The following BPNT2 variants were observed in gnomAD, a reference collection of about 807,000 sequenced individuals.
BPNT2 encodes the protein 3'(2'), 5'-bisphosphate nucleotidase 2, also known as Golgi-resident adenosine 3',5'-bisphosphate 3'-phosphatase.
BPNT2 carries 11 observed loss-of-function variants against 29.3 expected under a neutral mutation model. The ratio of observed to expected loss-of-function variants is 0.38; its 90% confidence interval spans 0.24 to 0.62. The LOEUF is 0.62. BPNT2 is among the 20% of genes least tolerant of loss of function. The pLI is 0.62. For synonymous variants in BPNT2, 195 were observed against 187.7 expected, an observed-to-expected ratio of 1.04 and a Z score of -0.32; for missense variants, 459 against 473.4, an observed-to-expected ratio of 0.97 and a Z score of 0.28.
At chr8:56,980,255 A>T in intron 1 of BPNT2, 58 bp from the exon 2 acceptor site, 3 of 1,380,318 alleles carry the variant, frequency 2.2e-6, no homozygotes, top group Non-Finnish European at 3.1e-6. Flanking sequence ...CTATTTGATA[A>T]ACTACAAAAG....
intron 3 of BPNT2, among the ~76,000 whole-genome samples, chr8:56,967,461 G>C (rs760763478): frequency 6.6e-6 from 1 of 152,118 alleles, no homozygotes; most frequent in Non-Finnish European, 1.5e-5. Flanking sequence ...ATAAGCGCTG[G>C]AGCTGACCCT....
At position 56,963,807 on chromosome 8, in the gene BPNT2, T is replaced by C. The variant is rs201175538; in HGVS notation, c.1066A>G (p.Thr356Ala). 5.0e-5 allele frequency: 80 copies of C among 1,614,086 alleles called. No individual in the cohort carries two copies. The highest frequency in any genetic ancestry group is 6.4e-5 in the Non-Finnish European group (75 of 1,180,058). Residue 356 changes from threonine (T) to alanine (A), a missense_variant, in exon 5 of 5, where the codon ACA becomes GCA. Thr to Ala is a moderately conservative substitution (Grantham distance 58, BLOSUM62 0). Transcript: ENST00000262644. The part of the protein sequence containing the change: ...LVRKLPDLEK[T>A]GHK ...ATCAGTTATGCTCATTTATGTCCTG[T>C]CTTTTCTAGATCTGGGAGTTTTCTG...
chr8:56,964,000 G>C lies in BPNT2; in HGVS notation c.873C>G (p.Ile291Met). The change falls in exon 5 of 5, where the codon ATC (isoleucine) becomes ATG (methionine). Residue 291 changes from isoleucine to methionine, a missense_variant. Coordinates refer to ENST00000262644, the MANE Select transcript of BPNT2 (RefSeq NM_017813.5). The part of the protein sequence containing the change: ...DKSQEKADLY[I>M]HVTYIKKWDI... ...CCCACTTTTTGATGTATGTCACATG[G>C]ATGTATAAATCAGCTTTTTCTTGAC... 1 of 1,611,444 alleles carries C rather than the reference G, an allele frequency of 6.2e-7. No individual in the cohort carries two copies. The highest frequency in any genetic ancestry group is 8.5e-7 in the Non-Finnish European group (1 of 1,178,334).
intron 3 of BPNT2, among the ~76,000 whole-genome samples, chr8:56,971,715 T>A (rs566575069): frequency 1.3e-5 from 2 of 148,648 alleles, no homozygotes; most frequent in East Asian, 4.0e-4. Context: ...TTAAGAGAAA[T>A]GTAAACAAAT....
At chr8:56,984,437 C>G (rs541840710) in intron 1 of BPNT2, among the ~76,000 whole-genome samples, 1 of 152,184 alleles carries the variant, frequency 6.6e-6, no homozygotes, top group Non-Finnish European at 1.5e-5. Flanking sequence ...TCCTTTCTCG[C>G]GTGCCACATC....
intron 3 of BPNT2, among the ~76,000 whole-genome samples, chr8:56,968,731 T>A (rs1039832849): frequency 2.6e-5 from 4 of 152,118 alleles, no homozygotes; most frequent in African/African-American, 9.7e-5. Context: ...ACATACTGAG[T>A]ACATGGGAAA....
intron 1 of BPNT2, among the ~76,000 whole-genome samples, chr8:56,988,436 T>C (rs1042384147): frequency 1.3e-5 from 2 of 152,250 alleles, no homozygotes; most frequent in African/African-American, 4.8e-5. Flanking sequence ...GACAATGATC[T>C]AGCTCCCTGT....
intron 1 of BPNT2, among the ~76,000 whole-genome samples, chr8:56,988,806 A>G (rs1420999442): frequency 2.0e-5 from 3 of 152,196 alleles, no homozygotes; most frequent in African/African-American, 7.2e-5. Flanking sequence ...GGCATTCATA[A>G]TCTGTCCTCC....
intron 3 of BPNT2, among the ~76,000 whole-genome samples, chr8:56,972,127 ATC>A (rs1229887130): frequency 1.3e-5 from 2 of 151,984 alleles, no homozygotes; most frequent in East Asian, 3.9e-4. Flanking sequence ...TGATGTAATC[ATC>A]TCTGTGTGAG....
At chr8:56,988,393 TTC>T (rs1204748523) in intron 1 of BPNT2, among the ~76,000 whole-genome samples, 1 of 152,230 alleles carries the variant, frequency 6.6e-6, no homozygotes, top group East Asian at 1.9e-4. Flanking sequence ...CACCTAAACT[TTC>T]TGAGCTACAA....
At chr8:56,975,740 C>A (rs1806120564) in intron 3 of BPNT2, among the ~76,000 whole-genome samples, 1 of 152,022 alleles carries the variant, frequency 6.6e-6, no homozygotes, top group Non-Finnish European at 1.5e-5. Flanking sequence ...AAGTATACTG[C>A]AAATTGTTAA....
At chr8:56,987,842 C>T (rs562309029) in intron 1 of BPNT2, among the ~76,000 whole-genome samples, 1 of 151,694 alleles carries the variant, frequency 6.6e-6, no homozygotes, top group East Asian at 2.0e-4. Flanking sequence ...CATTCTCCTG[C>T]CTCAACCTCC....
intron 3 of BPNT2, among the ~76,000 whole-genome samples, chr8:56,974,848 G>T (rs1326463286): frequency 1.3e-5 from 2 of 152,042 alleles, no homozygotes; most frequent in Non-Finnish European, 2.9e-5. Context: ...ATTAAATAAA[G>T]GTTTCTAAAA....
Position 56,962,991 on chromosome 8 carries a change from G to A in BPNT2, c.*802C>T, listed in dbSNP as rs1276278937. ...AGTGCTAACCCTGAAACCTTAAACC[G>A]AACCTTACAAAGTTAAAGACTAAGT... is the stretch of plus-strand genomic sequence containing the variant. On this transcript the variant is annotated 3_prime_UTR_variant, in exon 5 of 5. Coordinates refer to ENST00000262644, the MANE Select transcript of BPNT2 (RefSeq NM_017813.5). 2.0e-5 allele frequency: 3 copies of A among 152,088 alleles called. No individual in the cohort carries two copies. The highest frequency in any genetic ancestry group is 4.4e-5 in the Non-Finnish European group (3 of 68,006). 9.4% of individuals were successfully genotyped at this position (152,088 alleles called of 1,614,324 possible).
intron 3 of BPNT2, among the ~76,000 whole-genome samples, chr8:56,968,651 C>T (rs1175242098): frequency 1.3e-5 from 2 of 152,224 alleles, no homozygotes; most frequent in East Asian, 1.9e-4. Flanking sequence ...TCAGCCTGGG[C>T]AACAGAGTGA....
rs1003042322 is a variant in BPNT2, at chr8:56,959,941, C to A, written c.*3852G>T. On this transcript the variant is annotated 3_prime_UTR_variant, in exon 5 of 5. Transcript: ENST00000262644. Reference sequence around the variant, plus strand: ...AACTTTTTTTAGATTAAAAATGAAACCATAGATTAGGTTTATTTTATACAA... The same window carrying A: ...AACTTTTTTTAGATTAAAAATGAAAACATAGATTAGGTTTATTTTATACAA... The A allele has an allele frequency of 6.6e-6, 1 of 152,062 alleles. No homozygotes were observed. Among genetic ancestry groups the A allele is most frequent in the African/African-American group, 2.4e-5 (1 of 41,398 alleles). The allele number at this position is 152,062 out of a possible 1,614,324, so 9.4% of individuals were successfully genotyped here. A position where few individuals can be genotyped will look rare whatever the true frequency, so the allele number is the denominator to read the frequency against.
rs1805883884 is a variant in BPNT2 at position 56,963,692 on chromosome 8, T to C, written c.*101A>G. 1.5e-6 allele frequency: 2 copies of C among 1,339,010 alleles called. No homozygotes were observed. Among genetic ancestry groups the C allele is most frequent in the Non-Finnish European group, 2.1e-6 (2 of 941,256 alleles). 82.9% of individuals were successfully genotyped at this position (1,339,010 alleles called of 1,614,324 possible). A position where few individuals can be genotyped will look rare whatever the true frequency, so the allele number is the denominator to read the frequency against. The stretch of plus-strand genomic sequence containing the variant: ...CATAAATACTTTAAAAAGTTCGGGA[T>C]GGCCTTAACCATGCATAGTCTCCAC... On this transcript the variant is annotated 3_prime_UTR_variant, in exon 5 of 5. Transcript: ENST00000262644.
At chr8:56,967,326 A>G in intron 3 of BPNT2, 1 of 444,602 alleles carries the variant, frequency 2.2e-6, no homozygotes, top group South Asian at 1.6e-5. Context: ...AAAACTATAC[A>G]CAGCAACAAG....
chr8:56,976,683 C>G (rs981891687), intron 3 of BPNT2, among the ~76,000 whole-genome samples: 1 of 152,130 alleles, frequency 6.6e-6, no homozygotes, highest in African/African-American at 2.4e-5. Flanking sequence ...AGTTATTCAG[C>G]AAAACAAATA....
Sources: allele counts gnomAD v4.1 joint callset (sites outside exome capture counted in the v4.1 genomes callset), GRCh38; gene constraint gnomAD v4.1.1; transcripts MANE v1.5; gene names NCBI Gene and HGNC (gene_info 2026-07-23, HGNC 2026-07-21).